ADK: variants seen among roughly 807,000 people sequenced by gnomAD.
The protein encoded by ADK is adenosine kinase, also known as N6,N6-dimethyladenosine kinase.
Under a neutral mutation model 44.7 loss-of-function variants are expected in ADK, and 24 were observed. That is an observed-to-expected ratio of 0.54 (90% CI 0.39 to 0.76). The LOEUF is 0.76. Among genes scored for constraint, ADK ranks in the 30% least tolerant of loss-of-function variants. ADK has a pLI of 0.00. For missense variants in ADK, 321 were observed against 425.1 expected (o/e 0.76, Z 2.15); for synonymous variants, 128 against 142.6 (o/e 0.90, Z 0.73).
At chr10:74,388,313 A>G (rs770881508) in intron 4 of ADK, among the ~76,000 whole-genome samples, 16 of 152,336 alleles carry the variant, frequency 1.1e-4, no homozygotes, top group Admixed American at 2.6e-4. Context: ...AGTTTTTCTC[A>G]CACCCACATA....
intron 6 of ADK, among the ~76,000 whole-genome samples, chr10:74,473,032 C>T (rs1846664817): frequency 2.6e-5 from 4 of 152,058 alleles, no homozygotes; most frequent in African/African-American, 9.7e-5. Flanking sequence ...CTCTGCCACC[C>T]AGGCTGGAAG....
intron 9 of ADK, among the ~76,000 whole-genome samples, chr10:74,602,188 TC>T (rs1852163801): frequency 6.8e-6 from 1 of 146,320 alleles, no homozygotes; most frequent in African/African-American, 2.5e-5. Context: ...GTACTAGCAA[TC>T]TTTTATTGTG....
At chr10:74,161,711 T>G (rs1841903121) in intron 1 of ADK, among the ~76,000 whole-genome samples, 1 of 151,374 alleles carries the variant, frequency 6.6e-6, no homozygotes, top group South Asian at 2.1e-4. Flanking sequence ...TTTTTTTTTT[T>G]GTTTTTTTTG....
chr10:74,504,345 A>T (rs1205899542), intron 6 of ADK, among the ~76,000 whole-genome samples: 3 of 151,928 alleles, frequency 2.0e-5, no homozygotes, highest in Admixed American at 1.3e-4. Flanking sequence ...AAGCATACAT[A>T]TTCATTTAGT....
chr10:74,589,425 C>T (rs1851642505), intron 8 of ADK, 108 bp downstream of exon 8: 11 of 1,163,384 alleles, frequency 9.5e-6, no homozygotes, highest in Middle Eastern at 1.9e-4. Flanking sequence ...CTCAGAGCCT[C>T]GCAGCAGTTG....
intron 4 of ADK, among the ~76,000 whole-genome samples, chr10:74,380,859 T>C (rs1465694472): frequency 1.3e-5 from 2 of 152,152 alleles, no homozygotes; most frequent in Non-Finnish European, 2.9e-5. Flanking sequence ...GTCAGGGAAA[T>C]GTGTCAAAGG....
At chr10:74,357,722 G>T (rs1421774792) in intron 4 of ADK, among the ~76,000 whole-genome samples, 1 of 151,956 alleles carries the variant, frequency 6.6e-6, no homozygotes, top group African/African-American at 2.4e-5. Context: ...AGAAAATATG[G>T]TGCTAATGAC....
chr10:74,185,686 A>G (rs1377652458), intron 1 of ADK, among the ~76,000 whole-genome samples: 1 of 151,058 alleles, frequency 6.6e-6, no homozygotes, highest in South Asian at 2.1e-4. Flanking sequence ...CAAAAAAAAA[A>G]TTAGCCAGGC....
chr10:74,290,340 A>T (rs1380505253), intron 3 of ADK, among the ~76,000 whole-genome samples: 1 of 152,082 alleles, frequency 6.6e-6, no homozygotes, highest in African/African-American at 2.4e-5. Flanking sequence ...CTGATTAGTA[A>T]TTTCAGATGT....
chr10:74,420,131 A>G (rs1222768941), intron 6 of ADK, among the ~76,000 whole-genome samples: 2 of 152,154 alleles, frequency 1.3e-5, no homozygotes, highest in Admixed American at 6.5e-5. Context: ...ATAGTTAACT[A>G]CTTCCTCCAG....
intron 6 of ADK, among the ~76,000 whole-genome samples, chr10:74,438,245 T>C (rs1845255260): frequency 2.6e-5 from 4 of 151,678 alleles, no homozygotes; most frequent in Admixed American, 2.6e-4. Flanking sequence ...TTTTTTTTTT[T>C]GAGACAGTCT....
At chr10:74,355,378 T>C (rs1478125967) in intron 4 of ADK, among the ~76,000 whole-genome samples, 1 of 152,242 alleles carries the variant, frequency 6.6e-6, no homozygotes, top group Non-Finnish European at 1.5e-5. Flanking sequence ...CCCAAAGGGA[T>C]AGAAGCAAAA....
intron 6 of ADK, among the ~76,000 whole-genome samples, chr10:74,514,856 A>C (rs1848499073): frequency 6.6e-6 from 1 of 151,576 alleles, no homozygotes. Context: ...ACAAGTTCTC[A>C]TTCTGTTGCC....
At chr10:74,193,037 G>T (rs1843001478) in intron 1 of ADK, among the ~76,000 whole-genome samples, 1 of 152,110 alleles carries the variant, frequency 6.6e-6, no homozygotes, top group Non-Finnish European at 1.5e-5. Flanking sequence ...AAAGTATTTT[G>T]AAGCCATTTT....
At chr10:74,356,014 T>TTGTTTG (rs1564672680) in intron 4 of ADK, among the ~76,000 whole-genome samples, 1 of 128,214 alleles carries the variant, frequency 7.8e-6, no homozygotes, top group Non-Finnish European at 1.7e-5. Context: ...TTTTTTTTTT[T>TTGTTTG]TTTTTTTTTT....
Position 74,299,000 on chromosome 10 carries a change from A to T in ADK, c.195-15667A>T, listed in dbSNP as rs906576338. ...AAGATAGTGGTTTTACTTGGCTCTG[A>T]TGAACCAACAGATGTTACTGACACT... On this transcript the variant is annotated intron_variant, in intron 3 of 10. Coordinates refer to ENST00000539909, the MANE Select transcript of ADK (RefSeq NM_006721.4). 7.9e-5 allele frequency among the ~76,000 whole-genome samples: 12 copies of T among 152,218 alleles called. 1 individual carries two copies.
chr10:74,323,184 A>G (rs1340147369), intron 4 of ADK, among the ~76,000 whole-genome samples: 1 of 152,270 alleles, frequency 6.6e-6, no homozygotes, highest in East Asian at 1.9e-4. Flanking sequence ...TTTTTATTCT[A>G]TTTTGGAATT....
At chr10:74,660,912 G>T (rs949403942) in intron 9 of ADK, among the ~76,000 whole-genome samples, 1 of 151,266 alleles carries the variant, frequency 6.6e-6, no homozygotes, top group African/African-American at 2.4e-5. Context: ...CGCACCTGCT[G>T]TCCCAGCTAC....
intron 7 of ADK, among the ~76,000 whole-genome samples, chr10:74,532,721 C>G (rs1400030082): frequency 2.0e-5 from 3 of 151,532 alleles, no homozygotes; most frequent in African/African-American, 7.3e-5. Flanking sequence ...GCCAACATGG[C>G]AAAACCGCGT....
Sources: gnomAD v4.1 joint callset for allele counts (sites outside exome capture counted in the v4.1 genomes callset) on GRCh38, gnomAD v4.1.1 for gene constraint, MANE v1.5 for transcripts, NCBI Gene and HGNC (gene_info 2026-07-23, HGNC 2026-07-21) for gene names.